The following DDX42 variants were observed in gnomAD, a reference collection of about 807,000 sequenced individuals.
DDX42 encodes DEAD-box helicase 42, also known as ATP-dependent RNA helicase DDX42.
Under a neutral mutation model 101.5 loss-of-function variants are expected in DDX42, and 22 were observed. The observed-to-expected ratio is 0.22, with a 90% CI of 0.15 to 0.31. The LOEUF (loss-of-function observed/expected upper bound fraction) is 0.31, where lower values mean the gene tolerates loss of function less well. DDX42 is among the 10% of genes least tolerant of loss of function. The pLI is 1.00. For missense variants in DDX42, 849 were observed against 1,199.9 expected (o/e 0.71, Z 4.32); for synonymous variants, 402 against 401.2 (o/e 1.00, Z -0.02).
rs751485059 is a variant in DDX42, at chr17:63,816,885, T to C, written c.2031T>C (p.Asn677=). The change falls in exon 17 of 18, where the codon AAT becomes AAC. Residue 677 remains asparagine, a synonymous_variant. Transcript: ENST00000389924. ...GSENMDRGNN[N]VMSNYEAYKP... Reference sequence around the variant, plus strand: ...TTTTTTAGGATCGAGGAAATAACAATGTAATGAGCAATTATGAGGCCTACA... The same window carrying C: ...TTTTTTAGGATCGAGGAAATAACAACGTAATGAGCAATTATGAGGCCTACA... 224 of 1,612,392 alleles carry C rather than the reference T, an allele frequency of 1.4e-4. No individual in the cohort carries two copies. The highest frequency in any genetic ancestry group is 1.8e-4 in the Non-Finnish European group (213 of 1,179,536).
At chr17:63,779,248 G>T (rs2039457947) in intron 1 of DDX42, among the ~76,000 whole-genome samples, 1 of 152,022 alleles carries the variant, frequency 6.6e-6, no homozygotes, top group African/African-American at 2.4e-5. Flanking sequence ...TTCCCCAAGT[G>T]TGTTTTTTTT....
At chr17:63,781,807 G>A (rs1221767454) in intron 1 of DDX42, among the ~76,000 whole-genome samples, 1 of 151,598 alleles carries the variant, frequency 6.6e-6, no homozygotes, top group Non-Finnish European at 1.5e-5. Context: ...CCAGGAGATC[G>A]AGACCATCCT....
At chr17:63,778,309 C>CA (rs35180539) in intron 1 of DDX42, among the ~76,000 whole-genome samples, 1 of 152,174 alleles carries the variant, frequency 6.6e-6, no homozygotes, top group African/African-American at 2.4e-5. Flanking sequence ...TGTACATCCA[C>CA]ATTACTTTTC....
intron 13 of DDX42, 28 bp downstream of exon 13, chr17:63,811,201 C>T: frequency 6.6e-7 from 1 of 1,504,268 alleles, no homozygotes; most frequent in East Asian, 2.3e-5. Flanking sequence ...TGGATGGGAC[C>T]TTAATGGGTT....
Position 63,774,234 on chromosome 17 carries a change from TGGTGGTGGTGGCGGCGGCGGC to T in DDX42, c.-156_-136del, listed in dbSNP as rs1555717966. On this transcript the variant is annotated 5_prime_UTR_variant, in exon 1 of 18. Coordinates refer to ENST00000389924, the MANE Select transcript of DDX42 (RefSeq NM_203499.3). Reference sequence around the variant, plus strand: ...GCGGTGGTGGCGGTGGCGGCGGCGGTGGTGGTGGTGGCGGCGGCGGCGGCGAAGGGGGCGGAGAGGAAGGAG... The same window carrying T: ...GCGGTGGTGGCGGTGGCGGCGGCGGTGGCGAAGGGGGCGGAGAGGAAGGAG... The T allele has an allele frequency of 1.6e-5, 4 of 253,194 alleles. No individual in the cohort carries two copies. Among genetic ancestry groups the T allele is most frequent in the Non-Finnish European group, 2.0e-5 (3 of 149,366 alleles). 15.7% of individuals were successfully genotyped at this position (253,194 alleles called of 1,614,324 possible).
chr17:63,805,172 T>G lies in DDX42; in HGVS notation c.723T>G (p.Leu241=), dbSNP rs761052867. The G allele has an allele frequency of 6.2e-7, 1 of 1,612,978 alleles. No homozygotes were observed. The highest frequency in any genetic ancestry group is 1.1e-5 in the South Asian group (1 of 90,682). Residue 241 remains leucine (L), a synonymous_variant, in exon 7 of 18, where the codon CTT becomes CTG. Coordinates refer to ENST00000389924, the MANE Select transcript of DDX42 (RefSeq NM_203499.3). ...TAGATCTCCGGCATAAGCTCAATCTTCGGGTAAGCATCATTAAGCTCAATA... is the reference window on the plus strand; with the variant it reads ...TAGATCTCCGGCATAAGCTCAATCTGCGGGTAAGCATCATTAAGCTCAATA... The part of the protein sequence containing the change: ...QLIDLRHKLN[L]RVSGAAPPRP...
At chr17:63,812,251 A>G in intron 14 of DDX42, 43 bp downstream of exon 14, 5 of 1,585,590 alleles carry the variant, frequency 3.2e-6, no homozygotes, top group Non-Finnish European at 4.3e-6. Context: ...CCTAGGCTAT[A>G]AGGGTACTCT....
intron 13 of DDX42, 32 bp downstream of exon 13, chr17:63,811,205 A>G (rs1299186932): frequency 8.1e-6 from 12 of 1,489,700 alleles, no homozygotes; most frequent in Non-Finnish European, 1.1e-5. Flanking sequence ...TGGGACCTTA[A>G]TGGGTTTATT....
chr17:63,782,437 A>G (rs561711652), intron 1 of DDX42, among the ~76,000 whole-genome samples: 4 of 151,722 alleles, frequency 2.6e-5, no homozygotes, highest in African/African-American at 7.3e-5. Flanking sequence ...TGGCATCTCT[A>G]CTCAGCTCTC....
At chr17:63,774,689 G>T (rs1159781181) in intron 1 of DDX42, 1 of 152,396 alleles carries the variant, frequency 6.6e-6, no homozygotes, top group Non-Finnish European at 1.5e-5. Flanking sequence ...CGGCTCCAGG[G>T]CAGGAATAGC....
At chr17:63,802,646 C>T (rs2039785960) in intron 6 of DDX42, among the ~76,000 whole-genome samples, 1 of 152,140 alleles carries the variant, frequency 6.6e-6, no homozygotes. Flanking sequence ...TATGGTGGCT[C>T]ATGCCTGTAA....
intron 1 of DDX42, among the ~76,000 whole-genome samples, chr17:63,777,810 G>A (rs538956147): frequency 6.6e-6 from 1 of 152,264 alleles, no homozygotes; most frequent in African/African-American, 2.4e-5. Context: ...TTTGAGATAT[G>A]CTTTGAAGGA....
intron 3 of DDX42, 111 bp from the exon 4 acceptor site, chr17:63,797,927 G>A: frequency 1.1e-6 from 1 of 934,432 alleles, no homozygotes; most frequent in Admixed American, 2.8e-5. Context: ...GCATCAAAAT[G>A]CACTTGTCAA....
chr17:63,786,907 A>T (rs1192125367), intron 1 of DDX42, 127 bp from the exon 2 acceptor site: 2 of 855,912 alleles, frequency 2.3e-6, no homozygotes, highest in Non-Finnish European at 3.6e-6. Context: ...TGAACTCCTG[A>T]CCTCATGGTC....
chr17:63,783,114 A>T (rs185443584), intron 1 of DDX42, among the ~76,000 whole-genome samples: 3 of 151,692 alleles, frequency 2.0e-5, no homozygotes, highest in African/African-American at 7.3e-5. Context: ...CTTTGCTCCC[A>T]CTCATGGACC....
At chr17:63,786,598 T>C (rs989227765) in intron 1 of DDX42, among the ~76,000 whole-genome samples, 4 of 152,250 alleles carry the variant, frequency 2.6e-5, no homozygotes, top group East Asian at 1.9e-4. Context: ...TACAGTGTTA[T>C]AGTTTTAATT....
chr17:63,810,652 A>T, intron 12 of DDX42, 92 bp downstream of exon 12: 1 of 1,280,778 alleles, frequency 7.8e-7, no homozygotes, highest in South Asian at 1.2e-5. Flanking sequence ...AGTAAAAATG[A>T]TCTTGTGTCT....
chr17:63,779,193 G>A (rs1258250834), intron 1 of DDX42, among the ~76,000 whole-genome samples: 2 of 152,158 alleles, frequency 1.3e-5, no homozygotes, highest in Non-Finnish European at 1.5e-5. Flanking sequence ...AGCAGGAAAT[G>A]AAGAAATCTT....
intron 14 of DDX42, 110 bp from the exon 15 acceptor site, chr17:63,813,118 C>T (rs1000982332): frequency 1.2e-5 from 12 of 983,916 alleles, no homozygotes; most frequent in South Asian, 3.4e-5. Flanking sequence ...CAAACCCATG[C>T]GCTTTGCCTA....
Sources: gnomAD v4.1 joint callset for allele counts (sites outside exome capture counted in the v4.1 genomes callset) on GRCh38, gnomAD v4.1.1 for gene constraint, MANE v1.5 for transcripts, NCBI Gene and HGNC (gene_info 2026-07-23, HGNC 2026-07-21) for gene names.